Variants in FHL1 observed in about 807,000 individuals in gnomAD.
FHL1 encodes four and a half LIM domains protein 1.
In FHL1, 1 loss-of-function variant was observed where a neutral mutation model predicts 20.3. That is an observed-to-expected ratio of 0.05 (90% CI 0.02 to 0.23). FHL1 has a LOEUF of 0.23. FHL1 is among the 10% of genes least tolerant of loss of function. The pLI is 1.00. For missense variants in FHL1, 177 were observed against 234.0 expected, an observed-to-expected ratio of 0.76 and a Z score of 1.59; for synonymous variants, 82 against 88.9, an observed-to-expected ratio of 0.92 and a Z score of 0.44.
chrX:136,165,056 G>T (rs2072674292), upstream of FHL1, among the ~76,000 whole-genome samples: 1 of 111,751 alleles, frequency 8.9e-6, no homozygotes, highest in Non-Finnish European at 1.9e-5. Flanking sequence ...GAAACGTGTA[G>T]AATAAATGAT....
chrX:136,186,841 G>A (rs1212468405), intron 2 of FHL1, among the ~76,000 whole-genome samples: 1 of 84,105 alleles, frequency 1.2e-5, no homozygotes, highest in Admixed American at 1.5e-4. Flanking sequence ...GCGACAGAGC[G>A]AGACTCCATC....
intron 2 of FHL1, among the ~76,000 whole-genome samples, chrX:136,186,041 A>G (rs1335709783): frequency 2.7e-5 from 3 of 111,805 alleles, no homozygotes; most frequent in Non-Finnish European, 5.6e-5. Flanking sequence ...CAAATACTAT[A>G]TGTAGTTTAT....
intron 1 of FHL1, among the ~76,000 whole-genome samples, chrX:136,155,739 C>T (rs2072396200): frequency 9.0e-6 from 1 of 110,731 alleles, no homozygotes; most frequent in Admixed American, 9.6e-5. Flanking sequence ...ACTTGTGCCT[C>T]ATTTTTGAAC....
chrX:136,148,867 C>T (rs1045490163), intron 1 of FHL1: 2 of 112,352 alleles, frequency 1.8e-5, no homozygotes, highest in Admixed American at 1.9e-4. Context: ...GGAGATACAT[C>T]CTTGTAGCAT....
rs1433563570 is a variant in FHL1 at position 136,210,096 on chromosome X, T to C, written c.*71T>C. On this transcript the variant is annotated 3_prime_UTR_variant, in exon 6 of 6. Coordinates refer to ENST00000370683, the MANE Select transcript of FHL1 (RefSeq NM_001159699.2). ...CTTTGTGTCCTTACTTTCTGCCCTA[T>C]ACCATCAATAGGGGAAGAGTGGTCC... is the stretch of plus-strand genomic sequence containing the variant. The C allele has an allele frequency of 8.6e-7, 1 of 1,164,389 alleles. No individual in the cohort carries two copies. The highest frequency in any genetic ancestry group is 1.8e-5 in the African/African-American group (1 of 56,140).
At chrX:136,182,093 G>T (rs907739496) in intron 2 of FHL1, among the ~76,000 whole-genome samples, 3 of 111,907 alleles carry the variant, frequency 2.7e-5, no homozygotes, top group Admixed American at 1.9e-4. Flanking sequence ...ATCCTGGCAT[G>T]GAGTTGGAAA....
intron 5 of FHL1, among the ~76,000 whole-genome samples, 159 bp downstream of exon 5, chrX:136,208,800 G>A (rs1362974966): frequency 1.8e-5 from 2 of 109,817 alleles, no homozygotes; most frequent in African/African-American, 3.3e-5. Context: ...GTTTGGATTC[G>A]TCCCCAGGCC....
chrX:136,173,064 C>G (rs192005718), intron 2 of FHL1, among the ~76,000 whole-genome samples: 1 of 112,600 alleles, frequency 8.9e-6, no homozygotes, highest in Non-Finnish European at 1.9e-5. Flanking sequence ...GGTGTGTCCC[C>G]TTTTAATACA....
At chrX:136,193,954 A>ACC (rs1452595287), upstream of FHL1, among the ~76,000 whole-genome samples, 1 of 97,234 alleles carries the variant, frequency 1.0e-5, no homozygotes, top group African/African-American at 3.8e-5. Flanking sequence ...TCACACCCCA[A>ACC]CCCCCCCCAG....
At chrX:136,161,095 G>A (rs950422844) in intron 1 of FHL1, among the ~76,000 whole-genome samples, 18 of 111,983 alleles carry the variant, frequency 1.6e-4, no homozygotes, top group Non-Finnish European at 2.8e-4. Flanking sequence ...GATATAGACA[G>A]GCTGGGTTCG....
At chrX:136,186,891 G>T (rs7886265) in intron 2 of FHL1, among the ~76,000 whole-genome samples, 8 of 46,277 alleles carry the variant, frequency 1.7e-4, no homozygotes, top group African/African-American at 3.1e-4. Flanking sequence ...TAGATAGATA[G>T]ATAGATAGAT....
At chrX:136,198,148 GT>G (rs10708015) in intron 1 of FHL1, among the ~76,000 whole-genome samples, 39,185 of 101,265 alleles carry the variant, frequency 0.39, 5,766 homozygotes, top group East Asian at 0.43. Context: ...AAGTTGTCTG[GT>G]TTTTTTTTTT....
intron 2 of FHL1, among the ~76,000 whole-genome samples, chrX:136,186,961 GACTA>G (rs1354753251): frequency 9.1e-6 from 1 of 109,974 alleles, no homozygotes; most frequent in African/African-American, 3.3e-5. Flanking sequence ...GTCAATAAGA[GACTA>G]ACTGTGGTAT....
chrX:136,198,815 G>T (rs1284698992), intron 1 of FHL1, among the ~76,000 whole-genome samples: 1 of 111,717 alleles, frequency 9.0e-6, no homozygotes, highest in East Asian at 2.8e-4. Flanking sequence ...CGAAAACCAG[G>T]TTTGGGGTGT....
chrX:136,153,836 A>T (rs747668468), intron 1 of FHL1, among the ~76,000 whole-genome samples: 10 of 111,582 alleles, frequency 9.0e-5, no homozygotes, highest in African/African-American at 3.3e-4. Flanking sequence ...ATTTTTTTTT[A>T]AATGACTAGA....
At chrX:136,194,360 G>A (rs1368287727), upstream of FHL1, among the ~76,000 whole-genome samples, 1 of 112,084 alleles carries the variant, frequency 8.9e-6, no homozygotes, top group Non-Finnish European at 1.9e-5. Flanking sequence ...GGCTGGGGCG[G>A]CATTATCTAC....
At chrX:136,203,273 A>C (rs1161748999) in intron 1 of FHL1, among the ~76,000 whole-genome samples, 1 of 112,516 alleles carries the variant, frequency 8.9e-6, no homozygotes, top group Non-Finnish European at 1.9e-5. Flanking sequence ...GTAGAAATGT[A>C]TTCTAAAAGA....
intron 2 of FHL1, among the ~76,000 whole-genome samples, chrX:136,180,617 C>T (rs937696462): frequency 3.6e-5 from 4 of 112,470 alleles, no homozygotes; most frequent in South Asian, 3.7e-4. Context: ...ATTATACTTT[C>T]GCAAGTATAT....
intron 2 of FHL1, among the ~76,000 whole-genome samples, chrX:136,191,701 A>G (rs1353429806): frequency 4.4e-5 from 5 of 112,667 alleles, no homozygotes; most frequent in African/African-American, 6.4e-5. Flanking sequence ...GTTTCACACA[A>G]TGAAGCAGAG....
Sources: allele counts gnomAD v4.1 joint callset (sites outside exome capture counted in the v4.1 genomes callset), GRCh38; gene constraint gnomAD v4.1.1; transcripts MANE v1.5; gene names NCBI Gene and HGNC (gene_info 2026-07-23, HGNC 2026-07-21).